Variants in DISP3 observed in about 807,000 individuals in gnomAD.
DISP3 encodes the protein dispatched RND transporter family member 3, also known as protein dispatched homolog 3.
A neutral mutation model predicts 135.3 loss-of-function variants in DISP3; 101 were observed. The ratio of observed to expected loss-of-function variants is 0.75; its 90% CI spans 0.64 to 0.88. The LOEUF is 0.88. Among genes scored for constraint, DISP3 ranks in the 40% least tolerant of loss-of-function variants. The pLI, the probability that DISP3 is intolerant of heterozygous loss-of-function variation, is 0.00. For missense variants in DISP3, 1,713 were observed against 1,878.6 expected (o/e 0.91, Z 1.63); for synonymous variants, 856 against 817.0 (o/e 1.05, Z -0.81).
intron 15 of DISP3, among the ~76,000 whole-genome samples, chr1:11,530,528 C>T (rs1434271292): frequency 6.6e-6 from 1 of 151,990 alleles, no homozygotes; most frequent in Non-Finnish European, 1.5e-5. Flanking sequence ...TCTGTGTGTT[C>T]AGTCCACACT....
At position 11,529,789 on chromosome 1, in the gene DISP3, C is replaced by G. The variant is rs988244387; in HGVS notation, c.2932C>G (p.Pro978Ala). Residue 978 changes from proline to alanine, a missense_variant and splice_region_variant, in exon 15 of 21, where the codon CCC becomes GCC. This residue lies in a region of DISP3 where 1,142 missense variants were observed against 1,384.6 expected (regional missense o/e 0.82). Coordinates refer to ENST00000294484, the MANE Select transcript of DISP3 (RefSeq NM_020780.2). This position sits in a 1 kb window ranked among gnomAD's most constrained non-coding sequence, Gnocchi z 4.7. ...CAGCTGTGACTCCCTGTTCGCAGTG[C>G]CCAAGGCCCGTCTCTCAGCCACCTT... is the stretch of plus-strand genomic sequence containing the variant. ...GFFFVPSEKV[P>A]KARLSATFGF... 8 of 1,612,882 alleles carry G rather than the reference C, an allele frequency of 5.0e-6. No individual in the cohort carries two copies. Among genetic ancestry groups the G allele is most frequent in the Non-Finnish European group, 5.1e-6 (6 of 1,179,528 alleles).
At chr1:11,488,021 T>C (rs1193513865) in intron 1 of DISP3, among the ~76,000 whole-genome samples, 1 of 152,048 alleles carries the variant, frequency 6.6e-6, no homozygotes, top group East Asian at 1.9e-4. Flanking sequence ...GCGTTCCCAT[T>C]AAACTTTGGA....
rs928588150 is a variant in DISP3, at chr1:11,491,007, T to C, written c.-3-9983T>C. On this transcript the variant is annotated intron_variant, in intron 1 of 20. Coordinates refer to ENST00000294484, the MANE Select transcript of DISP3 (RefSeq NM_020780.2). This position sits in a 1 kb window ranked among gnomAD's most constrained non-coding sequence, Gnocchi z 4.3. ...CTACCAAGAAGAGCTATTTGGCAGA[T>C]CTGGGTGTGCTGTTTGTATCCCCCT... Among the ~76,000 whole-genome samples, 8 of 152,172 alleles carry C rather than the reference T, an allele frequency of 5.3e-5. No homozygotes were observed. The highest frequency in any genetic ancestry group is 4.6e-4 in the Admixed American group (7 of 15,276).
At chr1:11,514,358 C>T in intron 3 of DISP3, 32 bp from the exon 4 acceptor site, 1 of 1,584,460 alleles carries the variant, frequency 6.3e-7, no homozygotes, top group Non-Finnish European at 8.7e-7. Flanking sequence ...CTCTTCCTGT[C>T]ATTCTTTTCT....
chr1:11,498,433 T>G (rs551160274), intron 1 of DISP3, among the ~76,000 whole-genome samples: 56 of 152,226 alleles, frequency 3.7e-4, no homozygotes, highest in African/African-American at 1.3e-3. Context: ...ATGGGCTAGT[T>G]TGGACATTCT....
intron 3 of DISP3, among the ~76,000 whole-genome samples, chr1:11,510,421 A>G (rs566035037): frequency 1.3e-5 from 2 of 152,236 alleles, no homozygotes; most frequent in African/African-American, 4.8e-5. Flanking sequence ...CATATGTAGT[A>G]TAAGAGCTTT....
intron 3 of DISP3, 122 bp from the exon 4 acceptor site, chr1:11,514,268 A>G: frequency 8.1e-7 from 1 of 1,234,700 alleles, no homozygotes; most frequent in South Asian, 1.4e-5. Flanking sequence ...TTTGATATCC[A>G]ACCAAGGTAG....
chr1:11,534,209 C>G (rs1018127027), intron 17 of DISP3, among the ~76,000 whole-genome samples, 172 bp from the exon 18 acceptor site: 2 of 152,222 alleles, frequency 1.3e-5, no homozygotes, highest in Admixed American at 1.3e-4. Context: ...GTCACAACCA[C>G]ATGATGCCTC....
chr1:11,485,087 G>A (rs1302524293), intron 1 of DISP3, among the ~76,000 whole-genome samples: 1 of 152,116 alleles, frequency 6.6e-6, no homozygotes, highest in Non-Finnish European at 1.5e-5. Context: ...TCCCTGTAGA[G>A]CTCATCAGAG....
In DISP3 at chr1:11,519,773, A is replaced by G. The variant is rs1339397106; in HGVS notation, c.2093A>G (p.Gln698Arg). The change falls in exon 9 of 21, where the codon CAG becomes CGG. Residue 698 changes from glutamine to arginine, a missense_variant. Coordinates refer to ENST00000294484, the MANE Select transcript of DISP3 (RefSeq NM_020780.2). This position sits in a 1 kb window ranked among gnomAD's most constrained non-coding sequence, Gnocchi z 4.3. ...SLVSVSPEGL[Q>R]PASNTGSRGH... ...GTGTCTGTGTCCCCCGAGGGTCTGCAGCCAGCCTCCAACACGGGCAGCCGC... is the reference window on the plus strand; with the variant it reads ...GTGTCTGTGTCCCCCGAGGGTCTGCGGCCAGCCTCCAACACGGGCAGCCGC... The G allele has an allele frequency of 2.5e-6, 4 of 1,613,156 alleles. No individual in the cohort carries two copies. The highest frequency in any genetic ancestry group is 3.4e-6 in the Non-Finnish European group (4 of 1,180,008).
At position 11,501,758 on chromosome 1, in the gene DISP3, T is replaced by G. The variant is rs368244652; in HGVS notation, c.766T>G (p.Trp256Gly). The G allele has an allele frequency of 1.3e-6, 2 of 1,593,252 alleles. No individual in the cohort carries two copies. The highest frequency in any genetic ancestry group is 1.7e-6 in the Non-Finnish European group (2 of 1,167,950). ...CCGTGCCCGCCGAGGCGCCTCGCGC[T>G]GGGACTACTCGCGCGCCTATGTGAG... is the stretch of plus-strand genomic sequence containing the variant. ...QSRARRGASRWDYSRAYVSAN... is the reference protein window; with the variant it reads ...QSRARRGASRGDYSRAYVSAN... The change falls in exon 2 of 21, where the codon TGG becomes GGG. Residue 256 changes from tryptophan to glycine, a missense_variant. By Grantham distance (184) the Trp-to-Gly change is radical. Coordinates refer to ENST00000294484, the MANE Select transcript of DISP3 (RefSeq NM_020780.2). The surrounding 1 kb of genome is among the most constrained non-coding windows in gnomAD (Gnocchi z 4.9).
chr1:11,509,867 G>A (rs908643102), intron 3 of DISP3, among the ~76,000 whole-genome samples: 6 of 152,102 alleles, frequency 3.9e-5, no homozygotes, highest in Admixed American at 6.6e-5. Context: ...TTGGGAGGCC[G>A]AGGCAGGTGG....
At position 11,529,460 on chromosome 1, in the gene DISP3, ACCCCAG is replaced by A; in HGVS notation, c.2799-89_2799-84del. On this transcript the variant is annotated intron_variant, in intron 13 of 20. Transcript: ENST00000294484. The surrounding 1 kb of genome is among the most constrained non-coding windows in gnomAD (Gnocchi z 4.7). ...AGAGCCCGAGTCCAGACCCCATGAC[ACCCCAG>A]CCCCAGTCCCAACCCTGGCCTGCTG... 4 of 1,403,042 alleles carry A rather than the reference ACCCCAG, an allele frequency of 2.9e-6. No homozygotes were observed. Among genetic ancestry groups the A allele is most frequent in the Middle Eastern group, 1.9e-4 (1 of 5,338 alleles). The allele number at this position is 1,403,042 out of a possible 1,614,324, so 86.9% of individuals were successfully genotyped here.
At chr1:11,504,969 G>A (rs1382998094) in intron 3 of DISP3, among the ~76,000 whole-genome samples, 1 of 152,180 alleles carries the variant, frequency 6.6e-6, no homozygotes, top group Non-Finnish European at 1.5e-5. Context: ...GATATATCTT[G>A]GGTCCGATCC....
At chr1:11,533,924 CCCACCTGCCAGGGCCAGGCAGGTTG>C (rs1642640966) in intron 17 of DISP3, 1 of 709,900 alleles carries the variant, frequency 1.4e-6, no homozygotes, top group Non-Finnish European at 2.6e-6. Flanking sequence ...AATTCACAGT[CCCACCTGCCAGGGCCAGGCAGGTTG>C]CCAGGCAGTG....
In DISP3 at chr1:11,536,135, C is replaced by A. The variant is rs1403152153; in HGVS notation, c.3817-189C>A. Among the ~76,000 whole-genome samples the A allele has an allele frequency of 6.6e-6, 1 of 152,196 alleles. No individual in the cohort carries two copies. Among genetic ancestry groups the A allele is most frequent in the African/African-American group, 2.4e-5 (1 of 41,428 alleles). On this transcript the variant is annotated intron_variant, in intron 20 of 20. Coordinates refer to ENST00000294484, the MANE Select transcript of DISP3 (RefSeq NM_020780.2). This position sits in a 1 kb window ranked among gnomAD's most constrained non-coding sequence, Gnocchi z 4.3. ...AGTTACACAGGACCTACTGTGCAGA[C>A]CCTCGCGTCCTGTTGCCATAGCAAC...
At chr1:11,485,311 G>A (rs1641007974) in intron 1 of DISP3, among the ~76,000 whole-genome samples, 1 of 152,186 alleles carries the variant, frequency 6.6e-6, no homozygotes. Context: ...CCATGAGCTT[G>A]ATGTCTTGGT....
intron 3 of DISP3, among the ~76,000 whole-genome samples, chr1:11,508,350 C>A (rs746074917): frequency 6.6e-6 from 1 of 151,826 alleles, no homozygotes; most frequent in African/African-American, 2.4e-5. Context: ...CTGAGGAGTT[C>A]AAGGCTGCAG....
chr1:11,518,491 G>T (rs964942115), intron 7 of DISP3, among the ~76,000 whole-genome samples: 1 of 152,234 alleles, frequency 6.6e-6, no homozygotes, highest in African/African-American at 2.4e-5. Context: ...TTCCGTGACA[G>T]TTTCATGATA....
Sources: allele counts gnomAD v4.1 joint callset (sites outside exome capture counted in the v4.1 genomes callset), GRCh38; gene constraint gnomAD v4.1.1; regional missense constraint gnomAD v4.1.1; non-coding constraint Gnocchi (gnomAD v3.1); transcripts MANE v1.5; gene names NCBI Gene and HGNC (gene_info 2026-07-23, HGNC 2026-07-21).